Variants in SSC5D observed in about 807,000 individuals in gnomAD.
The protein encoded by SSC5D is scavenger receptor cysteine rich family member with 5 domains, also known as soluble scavenger receptor cysteine-rich domain-containing protein SSC5D.
A neutral mutation model predicts 104.6 loss-of-function variants in SSC5D; 106 were observed. The ratio of observed to expected loss-of-function variants is 1.01; its 90% CI spans 0.87 to 1.19. The LOEUF is 1.19. Among genes scored for constraint, SSC5D ranks in the 50% most tolerant of loss-of-function variants. The probability of loss-of-function intolerance (pLI) is 0.00; values close to 1 mark genes in which losing one functional copy is unlikely to be tolerated. For synonymous variants in SSC5D, 860 were observed against 883.5 expected, an observed-to-expected ratio of 0.97 and a Z score of 0.47; for missense variants, 1,993 against 2,153.8, an observed-to-expected ratio of 0.93 and a Z score of 1.48.
At chr19:55,493,987 C>CCGG in intron 7 of SSC5D, 75 bp downstream of exon 7, 1 of 206,420 alleles carries the variant, frequency 4.8e-6, no homozygotes, top group Non-Finnish European at 6.9e-6. Flanking sequence ...TCGGCGGGGG[C>CCGG]GGGGGGGTCC....
At chr19:55,507,369 T>C (rs1469622857) in intron 12 of SSC5D, among the ~76,000 whole-genome samples, 1 of 131,738 alleles carries the variant, frequency 7.6e-6, no homozygotes. Flanking sequence ...AAAAGGATGG[T>C]TAAGAGACAT....
At chr19:55,512,793 T>G (rs1987786271) in intron 12 of SSC5D, among the ~76,000 whole-genome samples, 1 of 152,128 alleles carries the variant, frequency 6.6e-6, no homozygotes. Context: ...CAAATGCCCT[T>G]CATTTTATGT....
intron 12 of SSC5D, among the ~76,000 whole-genome samples, chr19:55,508,696 G>A: frequency 7.6e-6 from 1 of 131,958 alleles, no homozygotes; most frequent in Admixed American, 7.7e-5. Context: ...GGCATGGCCT[G>A]TGGACTAACT....
rs547553010 is a variant in SSC5D at position 55,497,844 on chromosome 19, C to A, written c.1388-36C>A. The A allele has an allele frequency of 1.6e-5, 24 of 1,485,752 alleles. No homozygotes were observed. The African/African-American group carries it at 3.1e-4, about 19-fold the overall frequency. The allele number at this position is 1,485,752 out of a possible 1,614,324, so 92.0% of individuals were successfully genotyped here. A position where few individuals can be genotyped will look rare whatever the true frequency, so the allele number is the denominator to read the frequency against. ...GAAGAGTCAGGAGGCTGGGCGGCTT[C>A]CCCGACTCTAATTCTTTGGGTCTCT... On this transcript the variant is annotated intron_variant, in intron 8 of 13. Coordinates refer to ENST00000389623, the MANE Select transcript of SSC5D (RefSeq NM_001144950.2).
chr19:55,504,078 G>GC, intron 12 of SSC5D: 1 of 1,526,080 alleles, frequency 6.6e-7, no homozygotes, highest in Non-Finnish European at 8.8e-7. Context: ...GGGTGGGTGG[G>GC]CTCCAGCTGT....
At chr19:55,493,541 C>G in intron 6 of SSC5D, 54 bp from the exon 7 acceptor site, 10 of 1,376,894 alleles carry the variant, frequency 7.3e-6, no homozygotes, top group Non-Finnish European at 8.4e-6. Flanking sequence ...ATAGCTTAGT[C>G]CCCGCTCATC....
chr19:55,490,911 G>C lies in SSC5D; in HGVS notation c.726G>C (p.Gly242=), dbSNP rs1292917858. The C allele has an allele frequency of 6.5e-7, 1 of 1,544,902 alleles. No homozygotes were observed. Among genetic ancestry groups the C allele is most frequent in the African/African-American group, 1.4e-5 (1 of 72,890 alleles). ...TAGCCTGCCGGGAACTGGGCTGTGGGGGGGCGCTGGCTGCCCCCGGCGGTG... is the reference window on the plus strand; with the variant it reads ...TAGCCTGCCGGGAACTGGGCTGTGGCGGGGCGCTGGCTGCCCCCGGCGGTG... ...AAVACRELGC[G]GALAAPGGAR... is the part of the protein sequence containing the mutation. Residue 242 remains glycine (G), a synonymous_variant, in exon 6 of 14, where the codon GGG becomes GGC. Transcript: ENST00000389623.
chr19:55,498,021 G>A lies in SSC5D; in HGVS notation c.1529G>A (p.Cys510Tyr). The A allele has an allele frequency of 1.9e-6, 3 of 1,551,782 alleles. No homozygotes were observed. Among genetic ancestry groups the A allele is most frequent in the Non-Finnish European group, 2.6e-6 (3 of 1,147,018 alleles). Residue 510 changes from cysteine to tyrosine, a missense_variant, in exon 9 of 14, where the codon TGT (cysteine) becomes TAT (tyrosine). By Grantham distance (194) the Cys-to-Tyr change is radical. This residue lies in a region of SSC5D where 1,101 missense variants were observed against 1,085.0 expected (regional missense o/e 1.01). Coordinates refer to ENST00000389623, the MANE Select transcript of SSC5D (RefSeq NM_001144950.2). The stretch of plus-strand genomic sequence containing the variant: ...GCTGTGGTCTGCCGGGAGCTGGGCT[G>A]TGGTGGACCTCAGCAGCCAGACCCT... Reference protein sequence around the residue: ...DSAVVCRELGCGGPQQPDPAA... With the variant: ...DSAVVCRELGYGGPQQPDPAA...
Position 55,489,554 on chromosome 19 carries a change from A to C in SSC5D, c.253A>C (p.Ser85Arg). ...GGAGGGGGCAGGGCCTGTGTGGCTC[A>C]GCGAGCTGGCTTGCCGGGGCAACGA... ...FGEGAGPVWL[S>R]ELACRGNEGQ... Residue 85 changes from serine to arginine, a missense_variant, in exon 3 of 14, where the codon AGC (serine) becomes CGC (arginine). Around this residue, in one of 6 missense-constraint regions of SSC5D, gnomAD observed 1,101 missense variants for 1,085.0 expected, o/e 1.01. Coordinates refer to ENST00000389623, the MANE Select transcript of SSC5D (RefSeq NM_001144950.2). 6.7e-7 allele frequency: 1 copy of C among 1,501,622 alleles called. No individual in the cohort carries two copies. Among genetic ancestry groups the C allele is most frequent in the Non-Finnish European group, 8.9e-7 (1 of 1,129,444 alleles). The allele number at this position is 1,501,622 out of a possible 1,614,324, so 93.0% of individuals were successfully genotyped here. A position where few individuals can be genotyped will look rare whatever the true frequency, so the allele number is the denominator to read the frequency against.
Position 55,517,335 on chromosome 19 carries a change from C to T in SSC5D, c.3059C>T (p.Pro1020Leu), listed in dbSNP as rs1326820703. 1.3e-6 allele frequency: 2 copies of T among 1,550,258 alleles called. No individual in the cohort carries two copies. The highest frequency in any genetic ancestry group is 1.2e-5 in the South Asian group (1 of 84,058). Residue 1020 changes from proline to leucine, a missense_variant, in exon 14 of 14, where the codon CCA (proline) becomes CTA (leucine). Transcript: ENST00000389623. ...GPSASPGPPG[P>L]ALTSDSSREL... ...TCCGCCTCTCCGGGACCCCCAGGCCCAGCGCTGACCTCTGACTCCAGTCGA... is the reference window on the plus strand; with the variant it reads ...TCCGCCTCTCCGGGACCCCCAGGCCTAGCGCTGACCTCTGACTCCAGTCGA...
intron 12 of SSC5D, among the ~76,000 whole-genome samples, chr19:55,510,577 G>A (rs1987734917): frequency 6.6e-6 from 1 of 151,666 alleles, no homozygotes; most frequent in Non-Finnish European, 1.5e-5. Context: ...TCAAACTCCT[G>A]ACCTCGTGAT....
Position 55,493,832 on chromosome 19 carries a change from C to A in SSC5D, c.1133C>A (p.Thr378Lys). 3 of 1,549,508 alleles carry A rather than the reference C, an allele frequency of 1.9e-6. No homozygotes were observed. The highest frequency in any genetic ancestry group is 1.7e-4 in the Middle Eastern group (1 of 5,988). Residue 378 changes from threonine to lysine, a missense_variant, in exon 7 of 14, where the codon ACG becomes AAG. Physicochemically the swap from Thr to Lys is moderately conservative, Grantham distance 78. Transcript: ENST00000389623. ...LDDLRCRGNE[T>K]ALRFCPARPW... is the part of the protein sequence containing the mutation. Reference sequence around the variant, plus strand: ...GACCTTCGGTGTCGGGGAAACGAGACGGCCTTACGATTCTGCCCAGCTCGG... The same window carrying A: ...GACCTTCGGTGTCGGGGAAACGAGAAGGCCTTACGATTCTGCCCAGCTCGG...
At chr19:55,497,458 T>C (rs1354462062) in intron 8 of SSC5D, among the ~76,000 whole-genome samples, 1 of 152,246 alleles carries the variant, frequency 6.6e-6, no homozygotes, top group Non-Finnish European at 1.5e-5. Flanking sequence ...AGTTAACCAG[T>C]TTAAGTATAC....
chr19:55,513,775 A>T (rs10403244), intron 13 of SSC5D, among the ~76,000 whole-genome samples: 4,437 of 152,198 alleles, frequency 0.029, 215 homozygotes, highest in African/African-American at 0.1. Flanking sequence ...ATTCCCCATA[A>T]CAAAGAACCA....
chr19:55,489,056 C>T (rs1446469991), intron 2 of SSC5D, 24 bp downstream of exon 2: 3 of 1,304,628 alleles, frequency 2.3e-6, no homozygotes, highest in African/African-American at 1.9e-5. Flanking sequence ...CTCCTCCCAT[C>T]TGCCCGCCCC....
In SSC5D at chr19:55,489,065, C is replaced by A. The variant is rs79231493; in HGVS notation, c.52+33C>A. The A allele has an allele frequency of 1.1e-3, 957 of 864,540 alleles. 19 individuals are homozygous for A. The East Asian group carries it at 0.053, about 48-fold the overall frequency. 53.6% of individuals were successfully genotyped at this position (864,540 alleles called of 1,614,324 possible). A position where few individuals can be genotyped will look rare whatever the true frequency, so the allele number is the denominator to read the frequency against. The stretch of plus-strand genomic sequence containing the variant: ...CCCAGACTCCTCCCATCTGCCCGCC[C>A]CCCCCCCCAGGCCTCCCCCTTCTGC... On this transcript the variant is annotated intron_variant, in intron 2 of 13. Coordinates refer to ENST00000389623, the MANE Select transcript of SSC5D (RefSeq NM_001144950.2).
chr19:55,517,489 G>T lies in SSC5D; in HGVS notation c.3213G>T (p.Leu1071Phe). The change falls in exon 14 of 14, where the codon TTG becomes TTT. Residue 1071 changes from leucine to phenylalanine, a missense_variant. Physicochemically the swap from Leu to Phe is conservative, Grantham distance 22. Around this residue, in one of 6 missense-constraint regions of SSC5D, gnomAD observed 423 missense variants for 409.2 expected, o/e 1.03. Transcript: ENST00000389623. ...TCTTGACAAGCCCTGACTTTGCTTT[G>T]TCCACCCCTGACTCCAGTGTGGTTC... ...DLILTSPDFALSTPDSSVVPA... is the reference protein window; with the variant it reads ...DLILTSPDFAFSTPDSSVVPA... 6.4e-7 allele frequency: 1 copy of T among 1,551,128 alleles called. No individual in the cohort carries two copies. Among genetic ancestry groups the T allele is most frequent in the Non-Finnish European group, 8.7e-7 (1 of 1,146,958 alleles).
Position 55,518,132 on chromosome 19 carries a change from A to T in SSC5D, c.3856A>T (p.Thr1286Ser), listed in dbSNP as rs1599932393. 1.5e-6 allele frequency: 2 copies of T among 1,338,174 alleles called. No homozygotes were observed. The highest frequency in any genetic ancestry group is 2.6e-5 in the Admixed American group (1 of 38,458). 82.9% of individuals were successfully genotyped at this position (1,338,174 alleles called of 1,614,324 possible). Residue 1286 changes from threonine (T) to serine (S), a missense_variant, in exon 14 of 14, where the codon ACT (threonine) becomes TCT (serine). Around this residue, in one of 6 missense-constraint regions of SSC5D, gnomAD observed 349 missense variants for 397.6 expected, o/e 0.88. Transcript: ENST00000389623. ...CACCACGACCCCTCACCCCACCACGACTCCTCACCCCACCACAACCCCTCA... is the reference window on the plus strand; with the variant it reads ...CACCACGACCCCTCACCCCACCACGTCTCCTCACCCCACCACAACCCCTCA... ...HPTTTPHPTT[T>S]PHPTTTPHPT...
intron 2 of SSC5D, 159 bp downstream of exon 2, chr19:55,489,191 C>A: frequency 3.0e-6 from 3 of 996,920 alleles, no homozygotes; most frequent in Non-Finnish European, 4.2e-6. Context: ...GGTGTCTGGC[C>A]GCATCTCTCT....
Sources: gnomAD v4.1 joint callset for allele counts (sites outside exome capture counted in the v4.1 genomes callset) on GRCh38, gnomAD v4.1.1 for gene constraint, gnomAD v4.1.1 regional missense constraint, MANE v1.5 for transcripts, NCBI Gene and HGNC (gene_info 2026-07-23, HGNC 2026-07-21) for gene names.